Variants in VPS13D observed in about 807,000 individuals in gnomAD.
VPS13D encodes intermembrane lipid transfer protein VPS13D.
Under a neutral mutation model 461.9 loss-of-function variants are expected in VPS13D, and 187 were observed. The observed-to-expected ratio is 0.40, with a 90% CI of 0.36 to 0.46. The LOEUF (loss-of-function observed/expected upper bound fraction) is 0.46, where lower values mean the gene tolerates loss of function less well. Ranked by LOEUF, VPS13D falls within the 20% of genes least tolerant of loss-of-function variation. VPS13D has a pLI of 0.60. For missense variants in VPS13D, 4,711 were observed against 5,364.9 expected (o/e 0.88, Z 3.81); for synonymous variants, 1,951 against 1,986.3 (o/e 0.98, Z 0.47).
intron 11 of VPS13D, 39 bp downstream of exon 11, chr1:12,260,833 C>G: frequency 6.2e-7 from 1 of 1,610,318 alleles, no homozygotes; most frequent in Non-Finnish European, 8.5e-7. Context: ...TCAGACCCAG[C>G]ACACCCTGAG....
Position 12,460,234 on chromosome 1 carries a change from C to A in VPS13D, c.12500C>A (p.Ser4167Ter). 1 of 1,609,322 alleles carries A rather than the reference C, an allele frequency of 6.2e-7. No homozygotes were observed. Among genetic ancestry groups the A allele is most frequent in the Non-Finnish European group, 8.5e-7 (1 of 1,177,652 alleles). ...IIGGLTSVIT[S>*]TVEGVKTEGG... is the part of the protein sequence containing the mutation. The stretch of plus-strand genomic sequence containing the variant: ...GGTGGACTGACCAGTGTTATAACTT[C>A]GACAGTGGAAGGTGTGAAAACAGAA... The change falls in exon 67 of 70, where the codon TCG becomes TAG. Residue 4167 changes from serine to a stop codon, truncating the protein, a stop_gained. Coordinates refer to ENST00000620676, the MANE Select transcript of VPS13D (RefSeq NM_015378.4). LOFTEE classifies it high-confidence loss of function.
chr1:12,233,110 A>T (rs992227834), intron 1 of VPS13D, among the ~76,000 whole-genome samples: 1 of 150,598 alleles, frequency 6.6e-6, no homozygotes, highest in Non-Finnish European at 1.5e-5. Flanking sequence ...GGTTCAAGGG[A>T]TTCTCCTGCC....
chr1:12,292,680 C>G (rs986271346), intron 23 of VPS13D, among the ~76,000 whole-genome samples: 2 of 152,094 alleles, frequency 1.3e-5, no homozygotes, highest in Admixed American at 6.5e-5. Flanking sequence ...CTCAGGCAGT[C>G]TACCGGCCTC....
At chr1:12,353,914 G>T (rs1643864282) in intron 46 of VPS13D, 60 bp from the exon 47 acceptor site, 3 of 1,550,318 alleles carry the variant, frequency 1.9e-6, no homozygotes, top group South Asian at 1.2e-5. Context: ...CTTAGCTAAG[G>T]AGAAAAAATT....
chr1:12,467,165 C>T (rs1233724497), intron 67 of VPS13D, among the ~76,000 whole-genome samples: 2 of 151,840 alleles, frequency 1.3e-5, no homozygotes, highest in African/African-American at 4.8e-5. Flanking sequence ...ATTATAGGAT[C>T]GGATATTTTA....
At chr1:12,395,427 C>T (rs1214644743) in intron 60 of VPS13D, among the ~76,000 whole-genome samples, 1 of 152,170 alleles carries the variant, frequency 6.6e-6, no homozygotes, top group Non-Finnish European at 1.5e-5. Flanking sequence ...GCTGTGTGTG[C>T]ATCTTTCGGC....
intron 27 of VPS13D, 87 bp downstream of exon 27, chr1:12,308,728 C>T: frequency 8.1e-7 from 1 of 1,227,498 alleles, no homozygotes; most frequent in East Asian, 2.4e-5. Context: ...TGGCTCACTG[C>T]AACCTCCACC....
Position 12,326,405 on chromosome 1 carries a change from A to G in VPS13D, c.7991-1243A>G, listed in dbSNP as rs545328579. 2.1e-5 allele frequency among the ~76,000 whole-genome samples: 3 copies of G among 140,848 alleles called. 1 individual carries two copies. Among genetic ancestry groups the G allele is most frequent in the Admixed American group, 7.8e-5 (1 of 12,894 alleles). The allele number at this position is 140,848 out of a possible 152,430, so 92.4% of individuals were successfully genotyped here. A position where few individuals can be genotyped will look rare whatever the true frequency, so the allele number is the denominator to read the frequency against. ...GGAGTGTAGTGGTGGCACAATGATC[A>G]TGGCTCACTCTAGCCTCAAACTCCT... On this transcript the variant is annotated intron_variant, in intron 35 of 69. Transcript: ENST00000620676.
At chr1:12,506,181 G>A (rs778289047) in intron 68 of VPS13D, among the ~76,000 whole-genome samples, 7 of 152,244 alleles carry the variant, frequency 4.6e-5, no homozygotes, top group Non-Finnish European at 8.8e-5. Flanking sequence ...TCAGTGGCCA[G>A]AGAGGTTTGA....
intron 13 of VPS13D, among the ~76,000 whole-genome samples, chr1:12,264,708 T>C (rs1641213084): frequency 6.6e-6 from 1 of 152,222 alleles, no homozygotes; most frequent in Non-Finnish European, 1.5e-5. Context: ...GCCATCTCCA[T>C]AACATAAAAG....
chr1:12,333,467 C>A, intron 38 of VPS13D, 101 bp downstream of exon 38: 1 of 1,409,684 alleles, frequency 7.1e-7, no homozygotes, highest in Non-Finnish European at 9.7e-7. Flanking sequence ...TGGGCCTGTA[C>A]CAGGCATCAC....
At position 12,495,108 on chromosome 1, in the gene VPS13D, C is replaced by T. The variant is rs141871888; in HGVS notation, c.12663-2392C>T. Among the ~76,000 whole-genome samples, 1 of 151,420 alleles carries T rather than the reference C, an allele frequency of 6.6e-6. No homozygotes were observed. Among genetic ancestry groups the T allele is most frequent in the Admixed American group, 6.6e-5 (1 of 15,194 alleles). On this transcript the variant is annotated intron_variant, in intron 67 of 69. Coordinates refer to ENST00000620676, the MANE Select transcript of VPS13D (RefSeq NM_015378.4). The surrounding 1 kb of genome is among the most constrained non-coding windows in gnomAD (Gnocchi z 4.0). ...ATGTTTATCCACCTGGGATGGAAAG[C>T]AAATGTGCTTTGAGCAGATGACTGA...
chr1:12,348,624 T>C (rs1243259462), intron 44 of VPS13D, among the ~76,000 whole-genome samples, 199 bp from the exon 45 acceptor site: 1 of 152,140 alleles, frequency 6.6e-6, no homozygotes, highest in Admixed American at 6.5e-5. Context: ...TGTAGAACTT[T>C]TTAGAATTTT....
intron 69 of VPS13D, 113 bp from the exon 70 acceptor site, chr1:12,508,780 C>A (rs150705778): frequency 8.5e-7 from 1 of 1,171,204 alleles, no homozygotes; most frequent in Non-Finnish European, 1.2e-6. Flanking sequence ...GTTTCTTTGA[C>A]GTGTACATCC....
intron 31 of VPS13D, among the ~76,000 whole-genome samples, chr1:12,319,156 C>T (rs571001646): frequency 1.3e-5 from 2 of 152,336 alleles, no homozygotes; most frequent in South Asian, 2.1e-4. Flanking sequence ...CAGGTCATCA[C>T]TTAGAGAAAG....
At chr1:12,331,200 A>G (rs183651140) in intron 37 of VPS13D, among the ~76,000 whole-genome samples, 30 of 152,354 alleles carry the variant, frequency 2.0e-4, no homozygotes, top group African/African-American at 6.0e-4. Context: ...AGAAGGTCTC[A>G]TCGGAATTGG....
chr1:12,344,372 G>A (rs187213207), intron 42 of VPS13D, among the ~76,000 whole-genome samples: 2 of 152,222 alleles, frequency 1.3e-5, no homozygotes, highest in South Asian at 2.1e-4. Context: ...TTCCCAAGAA[G>A]CAAGAGTTCT....
At chr1:12,261,837 G>T in intron 12 of VPS13D, 64 bp from the exon 13 acceptor site, 1 of 1,395,096 alleles carries the variant, frequency 7.2e-7, no homozygotes. Flanking sequence ...TGATCAGTCT[G>T]CTTGCTGGTG....
At position 12,485,936 on chromosome 1, in the gene VPS13D, G is replaced by C. The variant is rs535412439; in HGVS notation, c.12663-11564G>C. Among the ~76,000 whole-genome samples, 4 of 152,312 alleles carry C rather than the reference G, an allele frequency of 2.6e-5. No homozygotes were observed. The East Asian group carries it at 5.8e-4, about 22-fold the overall frequency. On this transcript the variant is annotated intron_variant, in intron 67 of 69. Transcript: ENST00000620676. The stretch of plus-strand genomic sequence containing the variant: ...ACTGAAGGGTACCACCAAGCTGCCA[G>C]CTCGTGTCCTGCCTCCTTCCTGTCC...
Sources: allele counts gnomAD v4.1 joint callset (sites outside exome capture counted in the v4.1 genomes callset), GRCh38; gene constraint gnomAD v4.1.1; non-coding constraint Gnocchi (gnomAD v3.1); transcripts MANE v1.5; gene names NCBI Gene and HGNC (gene_info 2026-07-23, HGNC 2026-07-21).